The following BMI1 variants were observed in gnomAD, a reference collection of about 807,000 sequenced individuals.
BMI1 encodes BMI1 proto-oncogene, polycomb ring finger.
BMI1 carries 9 observed loss-of-function variants against 39.1 expected under a neutral mutation model. The observed-to-expected ratio is 0.23, with a 90% CI of 0.14 to 0.40. The LOEUF is 0.40. BMI1 is among the 10% of genes least tolerant of loss of function. The probability of loss-of-function intolerance (pLI) is 1.00; values close to 1 mark genes in which losing one functional copy is unlikely to be tolerated. For synonymous variants in BMI1, 131 were observed against 127.9 expected (o/e 1.02, Z -0.16); for missense variants, 252 against 390.8 (o/e 0.64, Z 2.99).
intron 8 of BMI1, 93 bp downstream of exon 8, chr10:22,328,791 G>GA (rs1010592168): frequency 4.9e-5 from 65 of 1,314,068 alleles, no homozygotes; most frequent in South Asian, 9.6e-5. Context: ...AAAAGCAATA[G>GA]AAAAAAAATG....
At chr10:22,322,527 C>G (rs765281705) in intron 1 of BMI1, among the ~76,000 whole-genome samples, 3 of 152,180 alleles carry the variant, frequency 2.0e-5, no homozygotes, top group African/African-American at 7.2e-5. Context: ...CTGAACATCG[C>G]TTGGGAGGTG....
rs1424889071 is a variant in BMI1 at position 22,321,172 on chromosome 10, C to T, written c.-544C>T. 1 of 148,610 alleles carries T rather than the reference C, an allele frequency of 6.7e-6. No homozygotes were observed. The highest frequency in any genetic ancestry group is 1.5e-5 in the Non-Finnish European group (1 of 66,584). The allele number at this position is 148,610 out of a possible 1,614,324, so 9.2% of individuals were successfully genotyped here. ...CCCTCCTCCCCTCCCCCCGCTCGCA[C>T]GCACACACACGGCGCCCCCCGCCCG... On this transcript the variant is annotated 5_prime_UTR_variant, in exon 1 of 10. It adds an upstream start codon to the 5' untranslated region. Coordinates refer to ENST00000376663, the MANE Select transcript of BMI1 (RefSeq NM_005180.9).
intron 1 of BMI1, among the ~76,000 whole-genome samples, 167 bp downstream of exon 1, chr10:22,321,863 C>T (rs1013742659): frequency 7.0e-6 from 1 of 143,026 alleles, no homozygotes; most frequent in African/African-American, 2.5e-5. Flanking sequence ...CGCCGCCCGC[C>T]CCGCGCCTGC....
At chr10:22,323,876 A>G (rs1270428199) in intron 1 of BMI1, among the ~76,000 whole-genome samples, 3 of 152,238 alleles carry the variant, frequency 2.0e-5, no homozygotes, top group African/African-American at 7.2e-5. Context: ...CACGTCAAAC[A>G]CTTTGGAAGT....
intron 1 of BMI1, chr10:22,325,662 C>G (rs1290876585): frequency 2.7e-5 from 4 of 148,546 alleles, no homozygotes; most frequent in Non-Finnish European, 6.0e-5. Flanking sequence ...CGCACGCCCG[C>G]CGAGGCTCGG....
intron 1 of BMI1, among the ~76,000 whole-genome samples, chr10:22,323,542 C>A (rs1836060598): frequency 6.6e-6 from 1 of 152,230 alleles, no homozygotes; most frequent in South Asian, 2.1e-4. Flanking sequence ...TTAACCCCAA[C>A]TTTACCCATG....
At chr10:22,322,906 G>A (rs1836044677) in intron 1 of BMI1, among the ~76,000 whole-genome samples, 1 of 152,206 alleles carries the variant, frequency 6.6e-6, no homozygotes, top group South Asian at 2.1e-4. Flanking sequence ...AACAAGTAGA[G>A]AGACTTTGAT....
In BMI1 at chr10:22,331,426, T is replaced by C. The variant is rs1836279820; in HGVS notation, c.*1884T>C. ...TGTTGTAAAATTGCTTGAAAGCCCA[T>C]TGAAAGATGTATCTGTTTATTTACA... On this transcript the variant is annotated 3_prime_UTR_variant, in exon 10 of 10. Transcript: ENST00000376663. 1 of 152,152 alleles carries C rather than the reference T, an allele frequency of 6.6e-6. No homozygotes were observed. Among genetic ancestry groups the C allele is most frequent in the Non-Finnish European group, 1.5e-5 (1 of 67,964 alleles). 9.4% of individuals were successfully genotyped at this position (152,152 alleles called of 1,614,324 possible).
intron 1 of BMI1, chr10:22,325,534 C>T (rs1470416406): frequency 6.6e-6 from 1 of 150,422 alleles, no homozygotes; most frequent in African/African-American, 2.4e-5. Context: ...CTCCCCAGCG[C>T]TGTGGCCTCG....
intron 3 of BMI1, 75 bp from the exon 4 acceptor site, chr10:22,327,520 A>C (rs1329620088): frequency 7.2e-6 from 10 of 1,381,724 alleles, no homozygotes; most frequent in African/African-American, 1.5e-5. Context: ...GCACAAAAGA[A>C]GACTATAGAA....
At chr10:22,323,038 T>C (rs961047631) in intron 1 of BMI1, among the ~76,000 whole-genome samples, 4 of 152,234 alleles carry the variant, frequency 2.6e-5, no homozygotes, top group African/African-American at 9.6e-5. Flanking sequence ...TTTATCCAAA[T>C]GCAAGTGTAG....
intron 1 of BMI1, among the ~76,000 whole-genome samples, chr10:22,323,467 A>C (rs1480819487): frequency 6.6e-6 from 1 of 152,196 alleles, no homozygotes; most frequent in African/African-American, 2.4e-5. Context: ...ATCCATTAAT[A>C]CTCTATCACT....
In BMI1 at chr10:22,331,138, A is replaced by G. The variant is rs1836273584; in HGVS notation, c.*1596A>G. 2 of 152,692 alleles carry G rather than the reference A, an allele frequency of 1.3e-5. No homozygotes were observed. The highest frequency in any genetic ancestry group is 4.1e-4 in the South Asian group (2 of 4,832). 9.5% of individuals were successfully genotyped at this position (152,692 alleles called of 1,614,324 possible). On this transcript the variant is annotated 3_prime_UTR_variant, in exon 10 of 10. Transcript: ENST00000376663. ...TTTTATGAAGTCACAAGATACATAT[A>G]TTTTTATTTTGACCTAAATTTGTAC...
chr10:22,331,569 A>C (rs1836283175), downstream of BMI1: 1 of 152,166 alleles, frequency 6.6e-6, no homozygotes, highest in African/African-American at 2.4e-5. Context: ...GTCAAGTGAT[A>C]TTTTTACCTT....
intron 8 of BMI1, 35 bp downstream of exon 8, chr10:22,328,733 A>G (rs765435083): frequency 2.0e-6 from 3 of 1,523,306 alleles, no homozygotes; most frequent in South Asian, 1.3e-5. Context: ...CATTTTACAT[A>G]GATTTTACAA....
intron 1 of BMI1, among the ~76,000 whole-genome samples, chr10:22,324,660 C>G (rs1275182873): frequency 2.0e-5 from 3 of 152,140 alleles, no homozygotes; most frequent in Admixed American, 6.5e-5. Context: ...ATTAATACAC[C>G]TTAGGAATTA....
Position 22,328,945 on chromosome 10 carries a change from T to C in BMI1, c.571-103T>C, listed in dbSNP as rs1836223873. 3.2e-6 allele frequency: 4 copies of C among 1,237,326 alleles called. No homozygotes were observed. The Admixed American group carries it at 1.0e-4, about 31-fold the overall frequency. The allele number at this position is 1,237,326 out of a possible 1,614,324, so 76.6% of individuals were successfully genotyped here. A position where few individuals can be genotyped will look rare whatever the true frequency, so the allele number is the denominator to read the frequency against. Reference sequence around the variant, plus strand: ...AGGAGTCTTTCTTTGTTAAAATGTTTGGAGAATATGTTTCTTAAAGCACTT... The same window carrying C: ...AGGAGTCTTTCTTTGTTAAAATGTTCGGAGAATATGTTTCTTAAAGCACTT... On this transcript the variant is annotated intron_variant, in intron 8 of 9. Coordinates refer to ENST00000376663, the MANE Select transcript of BMI1 (RefSeq NM_005180.9).
Position 22,331,184 on chromosome 10 carries a change from T to G in BMI1, c.*1642T>G, listed in dbSNP as rs1413083738. On this transcript the variant is annotated 3_prime_UTR_variant, in exon 10 of 10. Transcript: ENST00000376663. ...TGTACAGTCCCATTGTAAGTGTTGT[T>G]TCTAATTATAGATGTAAAATGAAAT... 2.0e-5 allele frequency: 3 copies of G among 152,590 alleles called. No homozygotes were observed. Among genetic ancestry groups the G allele is most frequent in the Non-Finnish European group, 4.4e-5 (3 of 67,972 alleles). The allele number at this position is 152,590 out of a possible 1,614,324, so 9.5% of individuals were successfully genotyped here.
chr10:22,327,964 A>G lies in BMI1; in HGVS notation c.331A>G (p.Asn111Asp). ...TATCGTTATAGCTGCCAATGGCTCT[A>G]ATGAAGATAGAGGAGAGGTTGCAGA... ...HPSADAANGS[N>D]EDRGEVADED... is the part of the protein sequence containing the mutation. The change falls in exon 6 of 10, where the codon AAT (asparagine) becomes GAT (aspartate). Residue 111 changes from asparagine (N) to aspartate (D), a missense_variant. This residue lies in a region of BMI1 where 67 missense variants were observed against 69.9 expected (regional missense o/e 0.96). Transcript: ENST00000376663. 6.2e-7 allele frequency: 1 copy of G among 1,605,118 alleles called. No homozygotes were observed. The highest frequency in any genetic ancestry group is 8.5e-7 in the Non-Finnish European group (1 of 1,177,460).
Sources: allele counts gnomAD v4.1 joint callset (sites outside exome capture counted in the v4.1 genomes callset), GRCh38; gene constraint gnomAD v4.1.1; regional missense constraint gnomAD v4.1.1; transcripts MANE v1.5; gene names NCBI Gene and HGNC (gene_info 2026-07-23, HGNC 2026-07-21).